PRUNE2: variants seen among roughly 807,000 people sequenced by gnomAD.
PRUNE2 encodes prune homolog 2 with BCH domain.
PRUNE2 carries 164 observed loss-of-function variants against 252.0 expected under a neutral mutation model. The observed-to-expected ratio is 0.65, with a 90% confidence interval of 0.57 to 0.74. The LOEUF (loss-of-function observed/expected upper bound fraction) is 0.74. Ranked by LOEUF, PRUNE2 falls within the 30% of genes least tolerant of loss-of-function variation. The pLI, the probability that PRUNE2 is intolerant of heterozygous loss-of-function variation, is 0.00. For synonymous variants in PRUNE2, 1,292 were observed against 1,350.2 expected (o/e 0.96, Z 0.94); for missense variants, 3,495 against 3,711.0 (o/e 0.94, Z 1.51).
intron 4 of PRUNE2, among the ~76,000 whole-genome samples, chr9:76,838,270 A>T (rs2059174938): frequency 6.6e-6 from 1 of 152,118 alleles, no homozygotes; most frequent in Non-Finnish European, 1.5e-5. Context: ...CTAGACAAGT[A>T]GATTCTCCAT....
At chr9:76,675,616 G>A (rs1418853538) in intron 9 of PRUNE2, among the ~76,000 whole-genome samples, 7 of 117,508 alleles carry the variant, frequency 6.0e-5, no homozygotes, top group Admixed American at 2.8e-4. Context: ...ACATGCATAC[G>A]TATGTTTATT....
In PRUNE2 at chr9:76,642,001, T is replaced by TTA. The variant is rs1554785931; in HGVS notation, c.8728+2737_8728+2738insTA. ...ATCTCCTATAATGAAATAAGAGAAG[T>TTA]AAAAAAAAAAAAAAAAGAAAAGAAA... On this transcript the variant is annotated intron_variant, in intron 12 of 18. Coordinates refer to ENST00000376718, the MANE Select transcript of PRUNE2 (RefSeq NM_015225.3). The TTA allele has an allele frequency of 1.1e-5, 11 of 1,011,234 alleles. No homozygotes were observed. The African/African-American group carries it at 1.8e-4, about 17-fold the overall frequency. The allele number at this position is 1,011,234 out of a possible 1,614,324, so 62.6% of individuals were successfully genotyped here.
intron 6 of PRUNE2, among the ~76,000 whole-genome samples, chr9:76,815,913 C>T (rs2131823965): frequency 1.3e-5 from 2 of 152,220 alleles, no homozygotes; most frequent in Middle Eastern, 6.8e-3. Flanking sequence ...GTAATCCCAA[C>T]GTTTTAAGAG....
chr9:76,694,858 G>A (rs1476534431), intron 9 of PRUNE2, among the ~76,000 whole-genome samples: 1 of 151,886 alleles, frequency 6.6e-6, no homozygotes, highest in Non-Finnish European at 1.5e-5. Flanking sequence ...TTCTCCAGTG[G>A]AGTTTTAGTT....
At chr9:76,891,761 G>A (rs1306469495) in intron 1 of PRUNE2, among the ~76,000 whole-genome samples, 2 of 152,190 alleles carry the variant, frequency 1.3e-5, no homozygotes, top group African/African-American at 2.4e-5. Context: ...TCTTCGCACA[G>A]ATGCTGGGAA....
At chr9:76,665,665 C>T (rs2040000706) in intron 9 of PRUNE2, among the ~76,000 whole-genome samples, 2 of 152,178 alleles carry the variant, frequency 1.3e-5, no homozygotes, top group Non-Finnish European at 2.9e-5. Context: ...CAGATTTAGA[C>T]ACGTGAAGGT....
At chr9:76,624,661 CT>C (rs1393157859) in intron 16 of PRUNE2, among the ~76,000 whole-genome samples, 171 bp from the exon 17 acceptor site, 1 of 152,214 alleles carries the variant, frequency 6.6e-6, no homozygotes, top group Non-Finnish European at 1.5e-5. Flanking sequence ...TTGTCATTGC[CT>C]CCCATTCAGT....
chr9:76,728,361 A>G (rs530203508), intron 6 of PRUNE2, among the ~76,000 whole-genome samples: 1 of 152,320 alleles, frequency 6.6e-6, no homozygotes, highest in South Asian at 2.1e-4. Context: ...GTTAAAAAAA[A>G]AAATACAAGT....
intron 6 of PRUNE2, among the ~76,000 whole-genome samples, chr9:76,732,908 C>T (rs865952924): frequency 1.3e-5 from 2 of 152,120 alleles, no homozygotes; most frequent in Non-Finnish European, 2.9e-5. Flanking sequence ...AAAAGGCCAC[C>T]AACAGACCAC....
intron 1 of PRUNE2, among the ~76,000 whole-genome samples, chr9:76,875,496 G>A (rs1298856009): frequency 6.6e-6 from 1 of 152,108 alleles, no homozygotes; most frequent in South Asian, 2.1e-4. Flanking sequence ...CTCCCGAGTA[G>A]CTGGGACTAC....
intron 1 of PRUNE2, among the ~76,000 whole-genome samples, chr9:76,863,541 T>C (rs985725155): frequency 6.6e-6 from 1 of 152,240 alleles, no homozygotes; most frequent in Non-Finnish European, 1.5e-5. Flanking sequence ...ACTATTTTGT[T>C]TTCTGGCCTT....
intron 9 of PRUNE2, chr9:76,692,466 TAA>T: frequency 1.5e-5 from 4 of 268,278 alleles, no homozygotes; most frequent in Admixed American, 5.2e-5. Flanking sequence ...AACCTCTTTT[TAA>T]AAAAAAATCC....
intron 1 of PRUNE2, among the ~76,000 whole-genome samples, chr9:76,884,529 C>T (rs2133358584): frequency 6.6e-6 from 1 of 152,236 alleles, no homozygotes; most frequent in Middle Eastern, 3.4e-3. Context: ...AATCATATGC[C>T]TTATTGGCCT....
intron 6 of PRUNE2, among the ~76,000 whole-genome samples, chr9:76,802,678 ATGAG>A (rs2056642488): frequency 1.3e-5 from 2 of 152,210 alleles, no homozygotes; most frequent in Admixed American, 1.3e-4. Context: ...CAAACAATGG[ATGAG>A]TATCAAAAGT....
chr9:76,897,761 A>G (rs1268592538), intron 1 of PRUNE2, among the ~76,000 whole-genome samples: 1 of 152,108 alleles, frequency 6.6e-6, no homozygotes, highest in Admixed American at 6.5e-5. Context: ...TGGCAACTGC[A>G]AAAGGAGATT....
chr9:76,837,443 A>AT (rs1554798683), intron 4 of PRUNE2, among the ~76,000 whole-genome samples: 1 of 76,550 alleles, frequency 1.3e-5, no homozygotes, highest in African/African-American at 4.9e-5. Context: ...TCTGTCTCAA[A>AT]TAATAATAAT....
chr9:76,729,940 T>A (rs2048420429), intron 6 of PRUNE2, among the ~76,000 whole-genome samples: 1 of 152,252 alleles, frequency 6.6e-6, no homozygotes, highest in Admixed American at 6.5e-5. Context: ...AGTCTGCCAA[T>A]TTTTTATAGC....
chr9:76,706,726 C>A lies in PRUNE2; in HGVS notation c.5548G>T (p.Asp1850Tyr). Residue 1850 changes from aspartate to tyrosine, a missense_variant, in exon 8 of 19, where the codon GAC (aspartate) becomes TAC (tyrosine). Transcript: ENST00000376718. ...IESPFERELSDSSGVLEINSS... is the reference protein window; with the variant it reads ...IESPFERELSYSSGVLEINSS... ...TTTATCTCCAACACACCACTGGAGT[C>A]AGACAGCTCCCTTTCAAATGGACTT... The A allele has an allele frequency of 6.2e-7, 1 of 1,613,058 alleles. No individual in the cohort carries two copies. The highest frequency in any genetic ancestry group is 1.1e-5 in the South Asian group (1 of 90,864).
At chr9:76,798,754 C>A (rs997207876) in intron 6 of PRUNE2, among the ~76,000 whole-genome samples, 2 of 152,116 alleles carry the variant, frequency 1.3e-5, no homozygotes, top group African/African-American at 2.4e-5. Context: ...TTAGAGCGTC[C>A]TTAAGCACAC....
Sources: gnomAD v4.1 joint callset for allele counts (sites outside exome capture counted in the v4.1 genomes callset) on GRCh38, gnomAD v4.1.1 for gene constraint, MANE v1.5 for transcripts, NCBI Gene and HGNC (gene_info 2026-07-23, HGNC 2026-07-21) for gene names.